TTC3: variants seen among roughly 807,000 people sequenced by gnomAD.
TTC3 encodes tetratricopeptide repeat domain 3.
In TTC3, 180 loss-of-function variants were observed where a neutral mutation model predicts 249.6. The ratio of observed to expected loss-of-function variants is 0.72; its 90% confidence interval spans 0.64 to 0.82. The LOEUF (loss-of-function observed/expected upper bound fraction) is 0.82. Ranked by LOEUF, TTC3 falls within the 40% of genes least tolerant of loss-of-function variation. TTC3 has a pLI of 0.00. For synonymous variants in TTC3, 717 were observed against 805.0 expected, an observed-to-expected ratio of 0.89 and a Z score of 1.85; for missense variants, 2,061 against 2,398.4, an observed-to-expected ratio of 0.86 and a Z score of 2.94.
intron 44 of TTC3, among the ~76,000 whole-genome samples, chr21:37,198,768 G>A (rs915362763): frequency 6.6e-6 from 1 of 152,120 alleles, no homozygotes; most frequent in Non-Finnish European, 1.5e-5. Context: ...TTGAATGCAT[G>A]GATATGTGAA....
intron 10 of TTC3, among the ~76,000 whole-genome samples, chr21:37,105,007 G>A (rs1338692258): frequency 6.6e-6 from 1 of 152,186 alleles, no homozygotes; most frequent in African/African-American, 2.4e-5. Context: ...GGAGAAGGAT[G>A]AGCCTGCCCA....
At chr21:37,185,258 TGTGTGTGTGCGTGCGCACCCGC>T (rs2083131660) in intron 36 of TTC3, among the ~76,000 whole-genome samples, 1 of 152,190 alleles carries the variant, frequency 6.6e-6, no homozygotes, top group Non-Finnish European at 1.5e-5. Context: ...AGAATGTGAG[TGTGTGTGTGCGTGCGCACCCGC>T]GTGTGTGCAT....
rs1374606194 is a variant in TTC3 at position 37,126,144 on chromosome 21, G to A, written c.1297+1G>A. 6.2e-7 allele frequency: 1 copy of A among 1,609,858 alleles called. No homozygotes were observed. Among genetic ancestry groups the A allele is most frequent in the South Asian group, 1.1e-5 (1 of 90,254 alleles). On this transcript the variant is annotated splice_donor_variant, in intron 15 of 45. Coordinates refer to ENST00000355666, the Ensembl canonical transcript of TTC3. LOFTEE classifies it high-confidence loss of function. ...CATCCTGAATTTTCACCACCATCAAGTGAGTATTGTTTTTATATCAATTGT... is the reference window on the plus strand; with the variant it reads ...CATCCTGAATTTTCACCACCATCAAATGAGTATTGTTTTTATATCAATTGT...
intron 20 of TTC3, among the ~76,000 whole-genome samples, chr21:37,143,119 G>A (rs956048544): frequency 6.6e-6 from 1 of 152,204 alleles, no homozygotes; most frequent in African/African-American, 2.4e-5. Context: ...AGACTTCAAT[G>A]TTTGACCTAA....
At chr21:37,152,449 C>T (rs1034148718) in intron 26 of TTC3, among the ~76,000 whole-genome samples, 10 of 149,316 alleles carry the variant, frequency 6.7e-5, no homozygotes, top group South Asian at 2.1e-4. Flanking sequence ...TGCAGTGGCG[C>T]GATCTCGGCT....
In TTC3 at chr21:37,166,518, A is replaced by G. The variant is rs372887447; in HGVS notation, c.4304A>G (p.Asp1435Gly). The G allele has an allele frequency of 2.5e-6, 4 of 1,614,152 alleles. No homozygotes were observed. The highest frequency in any genetic ancestry group is 3.4e-6 in the Non-Finnish European group (4 of 1,180,026). Residue 1435 changes from aspartate to glycine, a missense_variant, in exon 33 of 46, where the codon GAT (aspartate) becomes GGT (glycine). Physicochemically the swap from Asp to Gly is moderately conservative, Grantham distance 94. This residue lies in a region of TTC3 where 1,040 missense variants were observed against 1,186.1 expected (regional missense o/e 0.88). Coordinates refer to ENST00000355666, the Ensembl canonical transcript of TTC3. Reference sequence around the variant, plus strand: ...GTCCTGAGTGAGTCTAACAGAAATGATGAGCACTGTGGAAATTCTAACAAC... The same window carrying G: ...GTCCTGAGTGAGTCTAACAGAAATGGTGAGCACTGTGGAAATTCTAACAAC...
intron 28 of TTC3, 76 bp from the exon 29 acceptor site, chr21:37,159,623 A>G (rs1255936793): frequency 6.8e-7 from 1 of 1,477,544 alleles, no homozygotes; most frequent in Non-Finnish European, 9.3e-7. Flanking sequence ...ATGAGGAGTT[A>G]TTTTAAGGCT....
At chr21:37,201,853 A>G (rs745617889) in exon 46 of TTC3, 3 of 430,064 alleles carry the variant, frequency 7.0e-6, no homozygotes, top group African/African-American at 2.0e-5. Flanking sequence ...TCTTTTGGAA[A>G]GTACTATGAA....
In TTC3 at chr21:37,200,316, C is replaced by A. The variant is rs979665520; in HGVS notation, c.5935C>A (p.His1979Asn). ...TGTGCTCAAATGTGGGCACAAGTAT[C>A]ACAAAGGGGTAAGAGCTCTTTTTGG... Residue 1979 changes from histidine to asparagine, a missense_variant, in exon 45 of 46, where the codon CAC becomes AAC. His to Asn is a moderately conservative substitution (Grantham distance 68). Around this residue, in one of 3 missense-constraint regions of TTC3, gnomAD observed 1,040 missense variants for 1,186.1 expected, o/e 0.88. Coordinates refer to ENST00000355666, the Ensembl canonical transcript of TTC3. 2.7e-5 allele frequency: 44 copies of A among 1,614,072 alleles called. No individual in the cohort carries two copies. The highest frequency in any genetic ancestry group is 3.7e-5 in the Non-Finnish European group (44 of 1,180,044).
intron 27 of TTC3, among the ~76,000 whole-genome samples, chr21:37,154,189 A>T (rs577181441): frequency 2.0e-5 from 3 of 152,362 alleles, no homozygotes; most frequent in African/African-American, 7.2e-5. Context: ...CAGCTATTAG[A>T]TAAGAGGCTA....
At chr21:37,172,609 G>C in exon 35 of TTC3, 1 of 1,609,234 alleles carries the variant, frequency 6.2e-7, no homozygotes, top group Non-Finnish European at 8.5e-7. Context: ...AAATTTCACG[G>C]ATTGAAAAGG....
At chr21:37,073,762 C>A (rs937954269) in intron 1 of TTC3, among the ~76,000 whole-genome samples, 5 of 152,084 alleles carry the variant, frequency 3.3e-5, no homozygotes, top group Admixed American at 3.3e-4. Flanking sequence ...CCTTTTGTGT[C>A]GGTGTCCGCG....
rs1005976469 is a variant in TTC3, at chr21:37,180,308, G to T, written c.4618-2466G>T. Among the ~76,000 whole-genome samples the T allele has an allele frequency of 1.3e-4, 19 of 151,910 alleles. No homozygotes were observed. In the South Asian group the frequency reaches 2.1e-3, roughly 17 times the overall value. On this transcript the variant is annotated intron_variant, in intron 35 of 45. Coordinates refer to ENST00000355666, the Ensembl canonical transcript of TTC3. ...TTATATTACTCTCACTCATGGTTTT[G>T]TATTGTCATTCCTCTCTCTCTATTC...
At chr21:37,091,142 C>G (rs1264206722) in intron 6 of TTC3, 151 bp from the exon 7 acceptor site, 2 of 717,572 alleles carry the variant, frequency 2.8e-6, no homozygotes, top group East Asian at 5.9e-5. Context: ...TCTGTCTACT[C>G]TAAGTTACAT....
exon 16 of TTC3, chr21:37,129,058 G>A: frequency 6.3e-7 from 1 of 1,587,464 alleles, no homozygotes; most frequent in Non-Finnish European, 8.6e-7. Context: ...AATCAGAAAA[G>A]TTCAGGTATG....
intron 11 of TTC3, among the ~76,000 whole-genome samples, chr21:37,111,317 G>A (rs886987985): frequency 2.6e-5 from 4 of 152,090 alleles, no homozygotes; most frequent in South Asian, 4.1e-4. Flanking sequence ...CCCATCTCAC[G>A]TGCAGAGACA....
chr21:37,201,289 C>T (rs560476382), intron 45 of TTC3, 151 bp from the exon 46 acceptor site: 42 of 935,184 alleles, frequency 4.5e-5, no homozygotes, highest in East Asian at 1.2e-4. Flanking sequence ...CTGGCCTGAG[C>T]GGGTGTTGGT....
Position 37,195,669 on chromosome 21 carries a change from T to C in TTC3, c.5218-6T>C. On this transcript the variant is annotated splice_polypyrimidine_tract_variant and splice_region_variant and intron_variant, in intron 41 of 45. Coordinates refer to ENST00000355666, the Ensembl canonical transcript of TTC3. ...AGTGATCCATGGTGTGGTGTGTTCC[T>C]CACAGGTTCATCCCGAGTTACTCCC... 6.3e-7 allele frequency: 1 copy of C among 1,597,294 alleles called. No homozygotes were observed. The highest frequency in any genetic ancestry group is 8.5e-7 in the Non-Finnish European group (1 of 1,171,230).
At chr21:37,138,554 C>A in intron 18 of TTC3, 80 bp from the exon 19 acceptor site, 1 of 887,060 alleles carries the variant, frequency 1.1e-6, no homozygotes, top group Non-Finnish European at 1.8e-6. Flanking sequence ...GATTCTATTA[C>A]ACTTCTTTTT....
Sources: allele counts gnomAD v4.1 joint callset (sites outside exome capture counted in the v4.1 genomes callset), GRCh38; gene constraint gnomAD v4.1.1; regional missense constraint gnomAD v4.1.1; transcripts MANE v1.5; gene names NCBI Gene and HGNC (gene_info 2026-07-23, HGNC 2026-07-21).